Variants in CPE observed in about 807,000 individuals in gnomAD.
CPE encodes the protein carboxypeptidase E.
In CPE, 17 loss-of-function variants were observed where a neutral mutation model predicts 53.5. The ratio of observed to expected loss-of-function variants is 0.32; its 90% CI spans 0.22 to 0.48. The LOEUF is 0.48. Ranked by LOEUF, CPE falls within the 20% of genes least tolerant of loss-of-function variation. The pLI is 0.99. For missense variants in CPE, 524 were observed against 614.7 expected (o/e 0.85, Z 1.56); for synonymous variants, 226 against 228.8 (o/e 0.99, Z 0.11).
In CPE at chr4:165,380,560, AT is replaced by A. The variant is rs546027691; in HGVS notation, c.307+1033del. Among the ~76,000 whole-genome samples the A allele has an allele frequency of 5.9e-5, 9 of 152,324 alleles. No individual in the cohort carries two copies. The East Asian group carries it at 1.5e-3, about 26-fold the overall frequency. ...AGTAATCTGTGCTAATAATATCAGC[AT>A]GGGATGGATGCTTAATTTTTGTTTA... On this transcript the variant is annotated intron_variant, in intron 1 of 8. Coordinates refer to ENST00000402744, the MANE Select transcript of CPE (RefSeq NM_001873.4).
intron 1 of CPE, chr4:165,405,291 G>C (rs76321616): frequency 8.8e-7 from 1 of 1,135,388 alleles, no homozygotes; most frequent in Non-Finnish European, 1.3e-6. Context: ...ACATCCTTCT[G>C]TGGAGCTCCA....
chr4:165,466,934 C>T (rs1289250678), intron 2 of CPE, among the ~76,000 whole-genome samples: 3 of 152,186 alleles, frequency 2.0e-5, no homozygotes, highest in Non-Finnish European at 4.4e-5. Flanking sequence ...AAAATCTTTT[C>T]TGTCTTTATA....
At chr4:165,483,218 G>T (rs1307187544) in intron 4 of CPE, among the ~76,000 whole-genome samples, 1 of 152,032 alleles carries the variant, frequency 6.6e-6, no homozygotes, top group Admixed American at 6.6e-5. Context: ...CCATTGTTTA[G>T]CTTCCACTTA....
intron 1 of CPE, among the ~76,000 whole-genome samples, chr4:165,460,141 G>T (rs1371279192): frequency 6.6e-6 from 1 of 151,842 alleles, no homozygotes; most frequent in Non-Finnish European, 1.5e-5. Flanking sequence ...TTTTTCTTCT[G>T]TGTAAACACT....
At chr4:165,472,095 G>C (rs1732216914) in intron 3 of CPE, among the ~76,000 whole-genome samples, 1 of 152,140 alleles carries the variant, frequency 6.6e-6, no homozygotes, top group South Asian at 2.1e-4. Flanking sequence ...AAGTTTTCTT[G>C]ACTTTGAAAA....
chr4:165,447,853 A>G (rs554800583), intron 1 of CPE, among the ~76,000 whole-genome samples: 6 of 152,280 alleles, frequency 3.9e-5, no homozygotes, highest in African/African-American at 1.2e-4. Context: ...AAACACACAG[A>G]TTAACCTAGG....
chr4:165,462,228 T>A (rs1732020206), intron 1 of CPE, among the ~76,000 whole-genome samples: 1 of 152,208 alleles, frequency 6.6e-6, no homozygotes, highest in Non-Finnish European at 1.5e-5. Flanking sequence ...GCATGCTCTA[T>A]CCCAAAGCAT....
intron 1 of CPE, chr4:165,386,334 A>G (rs769009692): frequency 2.1e-6 from 1 of 476,824 alleles, no homozygotes; most frequent in Non-Finnish European, 4.2e-6. Flanking sequence ...TTTTGTTTAT[A>G]TATATTTTTT....
intron 1 of CPE, among the ~76,000 whole-genome samples, chr4:165,462,220 A>G (rs1031806155): frequency 6.6e-6 from 1 of 152,234 alleles, no homozygotes; most frequent in Non-Finnish European, 1.5e-5. Context: ...TAGGGGGAGC[A>G]TGCTCTATCC....
At chr4:165,466,321 C>G (rs1000628118) in intron 2 of CPE, among the ~76,000 whole-genome samples, 14 of 152,092 alleles carry the variant, frequency 9.2e-5, no homozygotes, top group Admixed American at 9.2e-4. Flanking sequence ...AAAACAGTAC[C>G]TTTGGACAGG....
intron 3 of CPE, among the ~76,000 whole-genome samples, chr4:165,469,486 A>C (rs1732166347): frequency 1.3e-5 from 2 of 152,028 alleles, no homozygotes; most frequent in South Asian, 4.1e-4. Flanking sequence ...TGTGCTCCTA[A>C]ACATACCATT....
intron 3 of CPE, among the ~76,000 whole-genome samples, chr4:165,477,785 T>G (rs1386269006): frequency 6.6e-6 from 1 of 151,680 alleles, no homozygotes; most frequent in Non-Finnish European, 1.5e-5. Context: ...CTGGGGTGTG[T>G]GTGCTTCAGG....
intron 1 of CPE, among the ~76,000 whole-genome samples, chr4:165,435,938 T>A (rs552876652): frequency 6.6e-6 from 1 of 152,260 alleles, no homozygotes; most frequent in South Asian, 2.1e-4. Flanking sequence ...GACCATGCTT[T>A]CCTTCATAGA....
At chr4:165,432,318 C>T (rs1731426224) in intron 1 of CPE, among the ~76,000 whole-genome samples, 1 of 152,080 alleles carries the variant, frequency 6.6e-6, no homozygotes. Context: ...GTGTGTGAGA[C>T]AGGGTCTTGC....
chr4:165,381,437 A>T, intron 1 of CPE: 1 of 394,564 alleles, frequency 2.5e-6, no homozygotes, highest in Non-Finnish European at 5.0e-6. Flanking sequence ...TGCATAACAC[A>T]GTGTATTAAA....
Position 165,404,471 on chromosome 4 carries a change from C to A in CPE, c.307+24943C>A, listed in dbSNP as rs1356732463. On this transcript the variant is annotated intron_variant, in intron 1 of 8. Coordinates refer to ENST00000402744, the MANE Select transcript of CPE (RefSeq NM_001873.4). Reference sequence around the variant, plus strand: ...GGAAAAGCCCTTCCCAGACTGGCGACCTAGGAAGCCCTTGGACACCATCTA... The same window carrying A: ...GGAAAAGCCCTTCCCAGACTGGCGAACTAGGAAGCCCTTGGACACCATCTA... 2.6e-5 allele frequency: 20 copies of A among 777,374 alleles called. No homozygotes were observed. The East Asian group carries it at 4.6e-4, about 18-fold the overall frequency. The allele number at this position is 777,374 out of a possible 1,614,324, so 48.2% of individuals were successfully genotyped here. A position where few individuals can be genotyped will look rare whatever the true frequency, so the allele number is the denominator to read the frequency against.
chr4:165,452,626 T>C (rs1252822453), intron 1 of CPE, among the ~76,000 whole-genome samples: 2 of 152,176 alleles, frequency 1.3e-5, no homozygotes, highest in Non-Finnish European at 2.9e-5. Context: ...TTCATAGTTT[T>C]GTTTAAATTG....
At chr4:165,403,093 G>A (rs930445012) in intron 1 of CPE, among the ~76,000 whole-genome samples, 1 of 152,014 alleles carries the variant, frequency 6.6e-6, no homozygotes, top group African/African-American at 2.4e-5. Context: ...GATTGAAAAA[G>A]TTAACACTGG....
intron 1 of CPE, among the ~76,000 whole-genome samples, chr4:165,453,933 A>T (rs1464785905): frequency 1.3e-5 from 2 of 152,090 alleles, no homozygotes; most frequent in Admixed American, 6.5e-5. Flanking sequence ...AAATGCCCTC[A>T]CTTTTTGAAA....
Sources: allele counts gnomAD v4.1 joint callset (sites outside exome capture counted in the v4.1 genomes callset), GRCh38; gene constraint gnomAD v4.1.1; transcripts MANE v1.5; gene names NCBI Gene and HGNC (gene_info 2026-07-23, HGNC 2026-07-21).